ZEB1: variants seen among roughly 807,000 people sequenced by gnomAD.
The protein encoded by ZEB1 is zinc finger E-box-binding homeobox 1.
Under a neutral mutation model 84.9 loss-of-function variants are expected in ZEB1, and 21 were observed. The ratio of observed to expected loss-of-function variants is 0.25; its 90% CI spans 0.18 to 0.36. The LOEUF is 0.36. Ranked by LOEUF, ZEB1 falls within the 10% of genes least tolerant of loss-of-function variation. ZEB1 has a pLI of 1.00. For missense variants in ZEB1, 1,104 were observed against 1,330.2 expected (o/e 0.83, Z 2.65); for synonymous variants, 420 against 471.1 (o/e 0.89, Z 1.41).
At chr10:31,408,200 C>T (rs1269065053) in intron 1 of ZEB1, among the ~76,000 whole-genome samples, 1 of 150,682 alleles carries the variant, frequency 6.6e-6, no homozygotes, top group East Asian at 1.9e-4. Context: ...ATGTGAAGGA[C>T]CTCTTCAAGG....
chr10:31,343,271 G>C (rs909619822), intron 1 of ZEB1, among the ~76,000 whole-genome samples: 49 of 152,118 alleles, frequency 3.2e-4, no homozygotes, highest in Admixed American at 2.3e-3. Flanking sequence ...AGAATGTTTT[G>C]ATGAGCAATC....
rs1168578787 is a variant in ZEB1, at chr10:31,400,829, G to A, written c.59-60208G>A. Among the ~76,000 whole-genome samples, 3 of 152,040 alleles carry A rather than the reference G, an allele frequency of 2.0e-5. No individual in the cohort carries two copies. The South Asian group carries it at 6.2e-4, about 32-fold the overall frequency. Reference sequence around the variant, plus strand: ...TTAAAATAATTTTTAAATACATAAAGCTACCAAATAATTAGTTTCAAATTT... The same window carrying A: ...TTAAAATAATTTTTAAATACATAAAACTACCAAATAATTAGTTTCAAATTT... On this transcript the variant is annotated intron_variant, in intron 1 of 8. Coordinates refer to ENST00000424869, the MANE Select transcript of ZEB1 (RefSeq NM_001174096.2).
chr10:31,502,552 G>T (rs772457479), intron 4 of ZEB1, 43 bp downstream of exon 4: 1 of 1,612,596 alleles, frequency 6.2e-7, no homozygotes, highest in South Asian at 1.1e-5. Context: ...CTCTTTAAAG[G>T]ATTCTTGTTT....
At chr10:31,447,906 T>G (rs2060005225) in intron 1 of ZEB1, among the ~76,000 whole-genome samples, 1 of 152,164 alleles carries the variant, frequency 6.6e-6, no homozygotes, top group Non-Finnish European at 1.5e-5. Flanking sequence ...GTTGCTCTTC[T>G]TGAGGAGTAT....
At chr10:31,412,505 C>T (rs920154914) in intron 1 of ZEB1, among the ~76,000 whole-genome samples, 13 of 152,052 alleles carry the variant, frequency 8.5e-5, no homozygotes, top group Non-Finnish European at 1.6e-4. Flanking sequence ...TGAGAACATG[C>T]GGTGTTTGGT....
intron 1 of ZEB1, among the ~76,000 whole-genome samples, chr10:31,459,040 T>G (rs1424189364): frequency 6.6e-6 from 1 of 152,138 alleles, no homozygotes; most frequent in African/African-American, 2.4e-5. Context: ...CCTGCAACAC[T>G]TATAGCTTAC....
Position 31,520,437 on chromosome 10 carries a change from A to C in ZEB1, c.1105A>C (p.Thr369Pro). The C allele has an allele frequency of 6.2e-7, 1 of 1,613,996 alleles. No homozygotes were observed. Among genetic ancestry groups the C allele is most frequent in the South Asian group, 1.1e-5 (1 of 91,074 alleles). ...GGTTGCTTCAGGAATCAACTGTTCA[A>C]CCCCTTTACAAAATGGGGTTTTCAC... ...IVVASGINCS[T>P]PLQNGVFTGG... The change falls in exon 7 of 9, where the codon ACC becomes CCC. Residue 369 changes from threonine (T) to proline (P), a missense_variant. Around this residue, in one of 7 missense-constraint regions of ZEB1, gnomAD observed 111 missense variants for 161.8 expected, o/e 0.69. Transcript: ENST00000424869. The surrounding 1 kb of genome is among the most constrained non-coding windows in gnomAD (Gnocchi z 5.1).
chr10:31,443,894 G>A (rs985475116), intron 1 of ZEB1, among the ~76,000 whole-genome samples: 5 of 151,170 alleles, frequency 3.3e-5, no homozygotes, highest in African/African-American at 1.2e-4. Context: ...TGTCTTTATA[G>A]CAGCATGATT....
intron 1 of ZEB1, among the ~76,000 whole-genome samples, chr10:31,421,733 T>A (rs1187289081): frequency 6.6e-6 from 1 of 152,160 alleles, no homozygotes; most frequent in African/African-American, 2.4e-5. Flanking sequence ...TCTACCTGGA[T>A]TGAAGTTGTT....
chr10:31,433,596 G>A (rs1021486672), intron 1 of ZEB1, among the ~76,000 whole-genome samples: 3 of 152,322 alleles, frequency 2.0e-5, no homozygotes, highest in East Asian at 3.9e-4. Flanking sequence ...TAAGACATCT[G>A]TTATACTTTG....
intron 3 of ZEB1, among the ~76,000 whole-genome samples, chr10:31,497,722 A>G (rs2067450054): frequency 6.6e-6 from 1 of 152,156 alleles, no homozygotes; most frequent in African/African-American, 2.4e-5. Context: ...GATCTTTTTT[A>G]TAGCAGACTT....
intron 2 of ZEB1, among the ~76,000 whole-genome samples, chr10:31,494,372 G>A (rs989692742): frequency 2.6e-5 from 4 of 151,938 alleles, no homozygotes; most frequent in Admixed American, 2.6e-4. Flanking sequence ...AAAGAGGTTT[G>A]TGCATATTTT....
chr10:31,423,934 A>G (rs1011030593), intron 1 of ZEB1, among the ~76,000 whole-genome samples: 1 of 152,030 alleles, frequency 6.6e-6, no homozygotes, highest in Non-Finnish European at 1.5e-5. Context: ...AGGATAGTTT[A>G]TATGTTTCTT....
chr10:31,456,540 C>A (rs139792005), intron 1 of ZEB1, among the ~76,000 whole-genome samples: 25 of 152,100 alleles, frequency 1.6e-4, no homozygotes, highest in Non-Finnish European at 8.8e-5. Flanking sequence ...TTCAGTACCC[C>A]AAAATAAGTA....
intron 2 of ZEB1, among the ~76,000 whole-genome samples, chr10:31,469,807 G>A (rs2062954601): frequency 6.6e-6 from 1 of 152,200 alleles, no homozygotes; most frequent in African/African-American, 2.4e-5. Context: ...AGACTTAAAT[G>A]TCCCTGTCTG....
intron 1 of ZEB1, among the ~76,000 whole-genome samples, chr10:31,332,200 A>G (rs2036944983): frequency 6.6e-6 from 1 of 152,194 alleles, no homozygotes; most frequent in African/African-American, 2.4e-5. Flanking sequence ...ATAAATTAGT[A>G]GAAGACTTAC....
chr10:31,407,082 T>G (rs1424791263), intron 1 of ZEB1, among the ~76,000 whole-genome samples: 1 of 151,260 alleles, frequency 6.6e-6, no homozygotes, highest in East Asian at 1.9e-4. Flanking sequence ...ATTTTTAACT[T>G]CTTATTTATT....
chr10:31,342,133 G>C (rs574079242), intron 1 of ZEB1, among the ~76,000 whole-genome samples: 1 of 152,182 alleles, frequency 6.6e-6, no homozygotes. Context: ...AGCAAGGTGG[G>C]TATGCTTTGT....
intron 1 of ZEB1, among the ~76,000 whole-genome samples, chr10:31,443,214 G>A (rs1232016044): frequency 6.6e-6 from 1 of 152,126 alleles, no homozygotes; most frequent in African/African-American, 2.4e-5. Context: ...CTTACTGGGT[G>A]GTTCATCTTA....
Sources: allele counts gnomAD v4.1 joint callset (sites outside exome capture counted in the v4.1 genomes callset), GRCh38; gene constraint gnomAD v4.1.1; regional missense constraint gnomAD v4.1.1; non-coding constraint Gnocchi (gnomAD v3.1); transcripts MANE v1.5; gene names NCBI Gene and HGNC (gene_info 2026-07-23, HGNC 2026-07-21).